The following ANKRD33B variants were observed in gnomAD, a reference collection of about 807,000 sequenced individuals.
ANKRD33B encodes ankyrin repeat domain-containing protein 33B.
ANKRD33B carries 6 observed loss-of-function variants against 21.5 expected under a neutral mutation model. The observed-to-expected ratio is 0.28, with a 90% confidence interval of 0.15 to 0.55. The LOEUF is 0.55. ANKRD33B is among the 20% of genes least tolerant of loss of function. The probability of loss-of-function intolerance (pLI) is 0.94; values close to 1 mark genes in which losing one functional copy is unlikely to be tolerated. For synonymous variants in ANKRD33B, 347 were observed against 342.4 expected (o/e 1.01, Z -0.15); for missense variants, 698 against 747.2 (o/e 0.93, Z 0.77).
chr5:10,605,750 A>ACC (rs1736033832), intron 1 of ANKRD33B, among the ~76,000 whole-genome samples: 1 of 152,032 alleles, frequency 6.6e-6, no homozygotes, highest in Non-Finnish European at 1.5e-5. Context: ...GCTGGTCTCG[A>ACC]ACATCTGACC....
chr5:10,649,520 G>A lies in ANKRD33B; in HGVS notation c.892G>A (p.Gly298Ser). The change falls in exon 4 of 4, where the codon GGC (glycine) becomes AGC (serine). Residue 298 changes from glycine to serine, a missense_variant. Physicochemically the swap from Gly to Ser is moderately conservative, Grantham distance 56 (BLOSUM62 0). Transcript: ENST00000296657. ...CGTGCTGACGCCGCGCTCCGTGCGG[G>A]GCCCGGAGGACGGGGGCGTCCTGGA... ...LSVLTPRSVR[G>S]PEDGGVLDHM... 2 of 1,533,734 alleles carry A rather than the reference G, an allele frequency of 1.3e-6. No individual in the cohort carries two copies. The highest frequency in any genetic ancestry group is 1.2e-5 in the South Asian group (1 of 83,948).
intron 1 of ANKRD33B, among the ~76,000 whole-genome samples, chr5:10,580,602 T>A (rs1000400465): frequency 6.6e-6 from 1 of 152,328 alleles, no homozygotes; most frequent in Admixed American, 6.5e-5. Flanking sequence ...CTGTTCTCTC[T>A]CACTCTTTTC....
intron 1 of ANKRD33B, among the ~76,000 whole-genome samples, chr5:10,617,741 C>A (rs1026114520): frequency 2.1e-4 from 32 of 152,298 alleles, no homozygotes; most frequent in Non-Finnish European, 3.4e-4. Context: ...CCGGGTTACT[C>A]CTCCTCTTCT....
chr5:10,606,899 T>G (rs553393675), intron 1 of ANKRD33B, among the ~76,000 whole-genome samples: 18 of 152,004 alleles, frequency 1.2e-4, no homozygotes, highest in African/African-American at 4.1e-4. Context: ...TGGCTCATTT[T>G]TTTGTATTTT....
chr5:10,582,664 T>C (rs1283252586), intron 1 of ANKRD33B, among the ~76,000 whole-genome samples: 1 of 152,232 alleles, frequency 6.6e-6, no homozygotes. Context: ...TGCGCTGTGC[T>C]GCCTGCTCCC....
intron 2 of ANKRD33B, among the ~76,000 whole-genome samples, chr5:10,635,249 A>G (rs901048240): frequency 6.6e-6 from 1 of 152,208 alleles, no homozygotes; most frequent in Non-Finnish European, 1.5e-5. Flanking sequence ...AAGGAATTGC[A>G]ATTCATTTTA....
At chr5:10,598,254 A>G (rs958072752) in intron 1 of ANKRD33B, among the ~76,000 whole-genome samples, 4 of 151,822 alleles carry the variant, frequency 2.6e-5, no homozygotes, top group Admixed American at 1.3e-4. Flanking sequence ...CGTTTTAACC[A>G]TATTTTATAT....
In ANKRD33B at chr5:10,650,140, GGGGCTGGGGCCGGGGCGGGGCCGCA is replaced by G; in HGVS notation, c.*36_*60del. 1 of 744,612 alleles carries G rather than the reference GGGGCTGGGGCCGGGGCGGGGCCGCA, an allele frequency of 1.3e-6. No homozygotes were observed. The highest frequency in any genetic ancestry group is 1.8e-6 in the Non-Finnish European group (1 of 556,118). 46.1% of individuals were successfully genotyped at this position (744,612 alleles called of 1,614,324 possible). A position where few individuals can be genotyped will look rare whatever the true frequency, so the allele number is the denominator to read the frequency against. ...GGCCCGTGTGCCTGGCGCTGGGGCCGGGGCTGGGGCCGGGGCGGGGCCGCAGGGCTGGGCGCGGAGAAGGAGGCGG... is the reference window on the plus strand; with the variant it reads ...GGCCCGTGTGCCTGGCGCTGGGGCCGGGGCTGGGCGCGGAGAAGGAGGCGG... On this transcript the variant is annotated 3_prime_UTR_variant, in exon 4 of 4. Coordinates refer to ENST00000296657, the MANE Select transcript of ANKRD33B (RefSeq NM_001164440.2).
At chr5:10,604,771 A>G (rs1736006838) in intron 1 of ANKRD33B, among the ~76,000 whole-genome samples, 1 of 152,232 alleles carries the variant, frequency 6.6e-6, no homozygotes, top group Non-Finnish European at 1.5e-5. Context: ...ACATAGAATT[A>G]TATGTTAATA....
chr5:10,634,347 G>A (rs1253041843), intron 2 of ANKRD33B, among the ~76,000 whole-genome samples: 1 of 116,910 alleles, frequency 8.6e-6, no homozygotes, highest in Non-Finnish European at 2.0e-5. Context: ...GGTGGAGAGG[G>A]GGTGTTCTGG....
At chr5:10,606,614 G>C (rs181093898) in intron 1 of ANKRD33B, among the ~76,000 whole-genome samples, 1 of 152,034 alleles carries the variant, frequency 6.6e-6, no homozygotes, top group Non-Finnish European at 1.5e-5. Context: ...AGTGCCTGTA[G>C]TCCCAGCTAC....
intron 3 of ANKRD33B, among the ~76,000 whole-genome samples, chr5:10,642,734 T>G (rs1489212122): frequency 6.6e-6 from 1 of 152,156 alleles, no homozygotes; most frequent in Non-Finnish European, 1.5e-5. Flanking sequence ...ATTGGTGAGT[T>G]TATGTGTTCA....
At chr5:10,606,517 C>A (rs943598826) in intron 1 of ANKRD33B, among the ~76,000 whole-genome samples, 1 of 152,132 alleles carries the variant, frequency 6.6e-6, no homozygotes, top group Non-Finnish European at 1.5e-5. Flanking sequence ...GGGCGGATCA[C>A]AAGGTCAAGA....
chr5:10,602,771 T>C (rs529484934), intron 1 of ANKRD33B, among the ~76,000 whole-genome samples: 3 of 152,284 alleles, frequency 2.0e-5, no homozygotes, highest in Non-Finnish European at 4.4e-5. Context: ...GATCATAGTC[T>C]ATAGATCCTG....
intron 1 of ANKRD33B, among the ~76,000 whole-genome samples, chr5:10,610,443 T>C (rs1736145936): frequency 6.8e-6 from 1 of 147,674 alleles, no homozygotes; most frequent in Non-Finnish European, 1.5e-5. Flanking sequence ...CACATGTCAA[T>C]AGTGCCCTGG....
intron 1 of ANKRD33B, among the ~76,000 whole-genome samples, chr5:10,585,803 G>A (rs183400021): frequency 6.6e-6 from 1 of 152,332 alleles, no homozygotes; most frequent in Admixed American, 6.5e-5. Flanking sequence ...ATGGGGTCAT[G>A]CGTAAAGCAG....
intron 1 of ANKRD33B, among the ~76,000 whole-genome samples, chr5:10,595,425 ATC>A (rs1395662580): frequency 6.6e-6 from 1 of 152,160 alleles, no homozygotes; most frequent in Non-Finnish European, 1.5e-5. Context: ...CATCGCTCCA[ATC>A]TCTCTCTGTC....
rs148222079 is a variant in ANKRD33B at position 10,610,172 on chromosome 5, A to T, written c.367-8161A>T. Reference sequence around the variant, plus strand: ...AGAATGAAGAAAAACTGTAACTTTCACCCATGAGTGGTGGAGTTGAAGTTG... The same window carrying T: ...AGAATGAAGAAAAACTGTAACTTTCTCCCATGAGTGGTGGAGTTGAAGTTG... On this transcript the variant is annotated intron_variant, in intron 1 of 3. Coordinates refer to ENST00000296657, the MANE Select transcript of ANKRD33B (RefSeq NM_001164440.2). 3.4e-3 allele frequency among the ~76,000 whole-genome samples: 522 copies of T among 152,336 alleles called. 3 individuals are homozygous for T. Among genetic ancestry groups the T allele is most frequent in the African/African-American group, 0.012 (496 of 41,578 alleles).
intron 1 of ANKRD33B, among the ~76,000 whole-genome samples, chr5:10,612,925 T>TC (rs1181053074): frequency 1.3e-5 from 2 of 152,218 alleles, no homozygotes; most frequent in East Asian, 3.9e-4. Context: ...CATAGACATC[T>TC]CCCCCGACCT....
Sources: gnomAD v4.1 joint callset for allele counts (sites outside exome capture counted in the v4.1 genomes callset) on GRCh38, gnomAD v4.1.1 for gene constraint, MANE v1.5 for transcripts, NCBI Gene and HGNC (gene_info 2026-07-23, HGNC 2026-07-21) for gene names.